The following DLEC1 variants were observed in gnomAD, a reference collection of about 807,000 sequenced individuals.
The protein encoded by DLEC1 is DLEC1 cilia and flagella associated protein.
A neutral mutation model predicts 198.1 loss-of-function variants in DLEC1; 146 were observed. The ratio of observed to expected loss-of-function variants is 0.74; its 90% CI spans 0.64 to 0.85. The LOEUF is 0.85. DLEC1 is among the 40% of genes least tolerant of loss of function. The probability of loss-of-function intolerance (pLI) is 0.00; values close to 1 mark genes in which losing one functional copy is unlikely to be tolerated. For missense variants in DLEC1, 2,233 were observed against 2,220.0 expected, an observed-to-expected ratio of 1.01 and a Z score of -0.12; for synonymous variants, 897 against 866.8, an observed-to-expected ratio of 1.03 and a Z score of -0.61.
At chr3:38,060,498 C>G (rs1402593587) in intron 3 of DLEC1, among the ~76,000 whole-genome samples, 1 of 152,000 alleles carries the variant, frequency 6.6e-6, no homozygotes, top group Non-Finnish European at 1.5e-5. Flanking sequence ...AGAAGACAAG[C>G]TCTCCCATAG....
At chr3:38,095,453 G>T (rs1698963827) in intron 13 of DLEC1, 1 of 307,918 alleles carries the variant, frequency 3.2e-6, no homozygotes, top group African/African-American at 2.1e-5. Flanking sequence ...ATGGAGGGAA[G>T]CCCTGTGGGC....
At chr3:38,083,519 C>G (rs1418081506) in intron 6 of DLEC1, among the ~76,000 whole-genome samples, 1 of 151,104 alleles carries the variant, frequency 6.6e-6, no homozygotes, top group African/African-American at 2.4e-5. Context: ...AGGCAAGGAC[C>G]AGCCATTTAC....
In DLEC1 at chr3:38,095,975, G is replaced by T. The variant is rs372336200; in HGVS notation, c.2171+29G>T. The T allele has an allele frequency of 2.2e-5, 35 of 1,612,428 alleles. No homozygotes were observed. The South Asian group carries it at 2.3e-4, about 11-fold the overall frequency. ...AGAGAAACTGGGCCCTGGATGAGAA[G>T]TGGGCAGCTGGGCCTTCCCCCACCT... On this transcript the variant is annotated intron_variant, in intron 14 of 36. Transcript: ENST00000308059.
Position 38,084,476 on chromosome 3 carries a change from GGTGGTAGTA to G in DLEC1, c.1261+237_1261+245del, listed in dbSNP as rs1698290418. Among the ~76,000 whole-genome samples the G allele has an allele frequency of 1.7e-5, 2 of 116,478 alleles. 1 individual carries two copies. The highest frequency in any genetic ancestry group is 3.7e-5 in the Non-Finnish European group (2 of 54,556). 76.4% of individuals were successfully genotyped at this position (116,478 alleles called of 152,430 possible). ...TGGTAGTAGTAATAGTAGTGGTGGT[GGTGGTAGTA>G]GTGGTGGTAGTAGTAGTGGTAGTAG... On this transcript the variant is annotated intron_variant, in intron 7 of 36. Coordinates refer to ENST00000308059, the MANE Select transcript of DLEC1 (RefSeq NM_007335.4).
At chr3:38,090,880 C>T (rs1224319820) in intron 10 of DLEC1, among the ~76,000 whole-genome samples, 1 of 152,080 alleles carries the variant, frequency 6.6e-6, no homozygotes, top group African/African-American at 2.4e-5. Context: ...TCATCTTCAA[C>T]AATTATCAAC....
At position 38,086,465 on chromosome 3, in the gene DLEC1, A is replaced by G. The variant is rs868590083; in HGVS notation, c.1572+88A>G. 1.5e-4 allele frequency: 229 copies of G among 1,494,300 alleles called. 2 individuals are homozygous for G. In the South Asian group the frequency reaches 1.7e-3, roughly 11 times the overall value. The allele number at this position is 1,494,300 out of a possible 1,614,324, so 92.6% of individuals were successfully genotyped here. A position where few individuals can be genotyped will look rare whatever the true frequency, so the allele number is the denominator to read the frequency against. The stretch of plus-strand genomic sequence containing the variant: ...AGGAACTTACTAGAGTATACCTATG[A>G]TTGGAAACACACAGAACGCAGAGTG... On this transcript the variant is annotated intron_variant, in intron 9 of 36. Coordinates refer to ENST00000308059, the MANE Select transcript of DLEC1 (RefSeq NM_007335.4).
intron 24 of DLEC1, 90 bp downstream of exon 24, chr3:38,111,837 G>C: frequency 6.9e-7 from 1 of 1,447,168 alleles, no homozygotes. Flanking sequence ...GCCAGGGAGC[G>C]GGACCAGGAC....
rs779262468 is a variant in DLEC1 at position 38,121,764 on chromosome 3, A to G, written c.5003A>G (p.Tyr1668Cys). The change falls in exon 35 of 37, where the codon TAC becomes TGC. Residue 1668 changes from tyrosine (Y) to cysteine (C), a missense_variant. Physicochemically the swap from Tyr to Cys is radical, Grantham distance 194. Coordinates refer to ENST00000308059, the MANE Select transcript of DLEC1 (RefSeq NM_007335.4). The stretch of plus-strand genomic sequence containing the variant: ...ATGAACCTGAGCGGGTGCCGAAGCT[A>G]CTGGACTATGCTGATGGGTATGTCC... ...YLMNLSGCRS[Y>C]WTMLMGQQEP... The G allele has an allele frequency of 1.7e-5, 28 of 1,613,958 alleles. No homozygotes were observed. Among genetic ancestry groups the G allele is most frequent in the Non-Finnish European group, 2.4e-5 (28 of 1,179,912 alleles).
At chr3:38,074,916 T>A (rs1697523231) in intron 6 of DLEC1, among the ~76,000 whole-genome samples, 1 of 152,286 alleles carries the variant, frequency 6.6e-6, no homozygotes, top group African/African-American at 2.4e-5. Context: ...ACCCTGACTA[T>A]GCCTTTAGCT....
intron 19 of DLEC1, among the ~76,000 whole-genome samples, chr3:38,101,452 GT>G (rs1699301671): frequency 6.6e-6 from 1 of 152,004 alleles, no homozygotes; most frequent in African/African-American, 2.4e-5. Context: ...ATAATATTTT[GT>G]TTCTAAAGTT....
intron 6 of DLEC1, 34 bp from the exon 7 acceptor site, chr3:38,084,124 G>T: frequency 6.3e-7 from 1 of 1,593,186 alleles, no homozygotes; most frequent in Non-Finnish European, 8.6e-7. Context: ...TATAAGTGTT[G>T]CTGTCTAAAA....
rs780137913 is a variant in DLEC1 at position 38,095,029 on chromosome 3, C to G, written c.2070C>G (p.Pro690=). 10 of 1,614,224 alleles carry G rather than the reference C, an allele frequency of 6.2e-6. No homozygotes were observed. The highest frequency in any genetic ancestry group is 1.6e-4 in the Middle Eastern group (1 of 6,062). Residue 690 remains proline (P), a synonymous_variant, in exon 13 of 37, where the codon CCC becomes CCG. Transcript: ENST00000308059. ...SIMPRKGVLS[P]HTDHEFILSF... is the part of the protein sequence containing the mutation. ...TGCCCAGAAAGGGGGTTCTAAGCCC[C>G]CACACAGACCACGAGTTCATCCTGA...
At chr3:38,097,481 A>AC (rs1262447619) in intron 16 of DLEC1, 26 bp from the exon 17 acceptor site, 4 of 1,613,068 alleles carry the variant, frequency 2.5e-6, no homozygotes, top group Non-Finnish European at 2.5e-6. Flanking sequence ...TCTCCTCTCC[A>AC]CCTCTCCCTT....
At chr3:38,089,290 G>A (rs939280148) in intron 10 of DLEC1, among the ~76,000 whole-genome samples, 1 of 152,182 alleles carries the variant, frequency 6.6e-6, no homozygotes, top group Non-Finnish European at 1.5e-5. Context: ...CACTAGACTG[G>A]GCTGTGGCCT....
At chr3:38,116,406 G>C in intron 27 of DLEC1, 47 bp from the exon 28 acceptor site, 2 of 1,606,024 alleles carry the variant, frequency 1.2e-6, no homozygotes, top group South Asian at 2.2e-5. Context: ...CCGGGGGGTT[G>C]TCTGCTCCTC....
chr3:38,071,555 G>C (rs974660761), intron 6 of DLEC1, among the ~76,000 whole-genome samples: 3 of 152,226 alleles, frequency 2.0e-5, no homozygotes, highest in African/African-American at 7.2e-5. Context: ...TTTCAGCGGG[G>C]AAGTAGGTGG....
Position 38,063,422 on chromosome 3 carries a change from C to CCA in DLEC1, c.1095-417_1095-416dup, listed in dbSNP as rs779865215. ...GAGGCTGCAGTGAGCCAAGATTGTGCCACTGCACTCCAGCCTAGGTGACAG... is the reference window on the plus strand; with the variant it reads ...GAGGCTGCAGTGAGCCAAGATTGTGCCACACTGCACTCCAGCCTAGGTGACAG... On this transcript the variant is annotated intron_variant, in intron 5 of 36. Coordinates refer to ENST00000308059, the MANE Select transcript of DLEC1 (RefSeq NM_007335.4). Among the ~76,000 whole-genome samples, 5 of 151,882 alleles carry CCA rather than the reference C, an allele frequency of 3.3e-5. No homozygotes were observed. The East Asian group carries it at 5.8e-4, about 18-fold the overall frequency.
chr3:38,051,326 G>A (rs1052389404), intron 2 of DLEC1, among the ~76,000 whole-genome samples: 3 of 152,248 alleles, frequency 2.0e-5, no homozygotes, highest in African/African-American at 7.2e-5. Flanking sequence ...TGGCGCAGAG[G>A]CCTCCTCCCT....
chr3:38,058,039 G>A (rs909064746), intron 2 of DLEC1, among the ~76,000 whole-genome samples: 48 of 151,964 alleles, frequency 3.2e-4, no homozygotes, highest in African/African-American at 1.1e-3. Flanking sequence ...TCCTGACCTC[G>A]TGATCCGCCT....
Sources: allele counts gnomAD v4.1 joint callset (sites outside exome capture counted in the v4.1 genomes callset), GRCh38; gene constraint gnomAD v4.1.1; transcripts MANE v1.5; gene names NCBI Gene and HGNC (gene_info 2026-07-23, HGNC 2026-07-21).